Variants in SPATA16 observed in about 807,000 individuals in gnomAD.
The protein encoded by SPATA16 is spermatogenesis-associated protein 16.
Under a neutral mutation model 63.3 loss-of-function variants are expected in SPATA16, and 36 were observed. That is an observed-to-expected ratio of 0.57 (90% CI 0.44 to 0.75). The LOEUF (loss-of-function observed/expected upper bound fraction) is 0.75, where lower values mean the gene tolerates loss of function less well. Ranked by LOEUF, SPATA16 falls within the 30% of genes least tolerant of loss-of-function variation. The pLI is 0.00. For missense variants in SPATA16, 646 were observed against 679.3 expected, an observed-to-expected ratio of 0.95 and a Z score of 0.54; for synonymous variants, 203 against 216.7, an observed-to-expected ratio of 0.94 and a Z score of 0.56.
rs185460884 is a variant in SPATA16 at position 172,953,413 on chromosome 3, G to T, written c.1081+3264C>A. Among the ~76,000 whole-genome samples the T allele has an allele frequency of 7.2e-5, 11 of 152,276 alleles. No homozygotes were observed. In the East Asian group the frequency reaches 1.9e-3, roughly 27 times the overall value. On this transcript the variant is annotated intron_variant, in intron 6 of 10. Transcript: ENST00000351008. ...TTCTAGTCTTCTGTGGAATGGAGGG[G>T]ATTTATTGAGTAAGACTCAGAAAGT...
chr3:172,955,242 G>A (rs976582262), intron 6 of SPATA16, among the ~76,000 whole-genome samples: 1 of 152,162 alleles, frequency 6.6e-6, no homozygotes, highest in Non-Finnish European at 1.5e-5. Flanking sequence ...CCAGAAGAGA[G>A]ATTGGCAAAC....
chr3:173,052,690 AT>A (rs1736131718), intron 2 of SPATA16, among the ~76,000 whole-genome samples: 2 of 152,224 alleles, frequency 1.3e-5, no homozygotes, highest in Admixed American at 1.3e-4. Context: ...AGACATTTGT[AT>A]AGACTGAGCA....
chr3:173,051,429 T>C (rs549384350), intron 2 of SPATA16, among the ~76,000 whole-genome samples: 7 of 152,120 alleles, frequency 4.6e-5, no homozygotes, highest in African/African-American at 7.2e-5. Flanking sequence ...ACCTCGGTCT[T>C]CTGACCTTGT....
intron 2 of SPATA16, among the ~76,000 whole-genome samples, chr3:173,057,339 G>T (rs1454575675): frequency 6.6e-6 from 1 of 151,880 alleles, no homozygotes; most frequent in East Asian, 1.9e-4. Context: ...GGTCTCCATC[G>T]CCTGACCTCT....
chr3:173,092,863 T>A (rs1031595292), intron 2 of SPATA16, among the ~76,000 whole-genome samples: 1 of 152,162 alleles, frequency 6.6e-6, no homozygotes, highest in Non-Finnish European at 1.5e-5. Flanking sequence ...CTATTTGGTT[T>A]ATGCTTATCC....
At chr3:173,140,929 T>G (rs9829256) in intron 1 of SPATA16, among the ~76,000 whole-genome samples, 174 bp downstream of exon 1, 30,903 of 152,118 alleles carry the variant, frequency 0.2, 3,364 homozygotes, top group Middle Eastern at 0.27. Flanking sequence ...TCTTGGTTAC[T>G]TATTAGGGCT....
intron 2 of SPATA16, among the ~76,000 whole-genome samples, chr3:173,093,686 G>A (rs775933437): frequency 1.3e-5 from 2 of 152,054 alleles, no homozygotes; most frequent in Non-Finnish European, 2.9e-5. Context: ...CAGAAATTGG[G>A]CCATCGCTAT....
intron 2 of SPATA16, among the ~76,000 whole-genome samples, chr3:173,056,431 A>G (rs1231161605): frequency 6.6e-6 from 1 of 152,158 alleles, no homozygotes; most frequent in African/African-American, 2.4e-5. Context: ...TGCCGGGCGC[A>G]GTGGCTCACG....
chr3:172,981,614 C>T (rs892030169), intron 4 of SPATA16, among the ~76,000 whole-genome samples: 1 of 152,310 alleles, frequency 6.6e-6, no homozygotes, highest in Non-Finnish European at 1.5e-5. Context: ...TCACCTCCTT[C>T]GGTCTTTGTA....
intron 4 of SPATA16, among the ~76,000 whole-genome samples, chr3:172,994,202 A>G (rs902919415): frequency 1.3e-5 from 2 of 152,158 alleles, no homozygotes; most frequent in African/African-American, 4.8e-5. Context: ...CCTGGTAGGG[A>G]GCCCCCTTTG....
In SPATA16 at chr3:172,916,335, A is replaced by T. The variant is rs1489045246; in HGVS notation, c.1485T>A (p.Ser495Arg). Residue 495 changes from serine to arginine, a missense_variant, in exon 9 of 11, where the codon AGT (serine) becomes AGA (arginine). Coordinates refer to ENST00000351008, the MANE Select transcript of SPATA16 (RefSeq NM_031955.6). ...TACTTACCAATTCTGCCTCCTGTTG[A>T]CTGATGTCCTGTAGGTAGGGAATGG... The part of the protein sequence containing the change: ...LATIPYLQDI[S>R]QQEAELLQSL... The T allele has an allele frequency of 5.6e-6, 9 of 1,612,728 alleles. No individual in the cohort carries two copies. The highest frequency in any genetic ancestry group is 7.6e-6 in the Non-Finnish European group (9 of 1,179,526).
At chr3:173,127,166 T>C (rs1294743700) in intron 1 of SPATA16, among the ~76,000 whole-genome samples, 1 of 152,174 alleles carries the variant, frequency 6.6e-6, no homozygotes, top group African/African-American at 2.4e-5. Context: ...TCTCTTTCCC[T>C]AATGTGTGTG....
At chr3:173,086,333 T>TA (rs1477145798) in intron 2 of SPATA16, among the ~76,000 whole-genome samples, 1 of 152,204 alleles carries the variant, frequency 6.6e-6, no homozygotes, top group Admixed American at 6.5e-5. Flanking sequence ...GAGGTGTTTA[T>TA]AGTATTCTCT....
At chr3:172,890,130 T>C (rs747578961) in intron 10 of SPATA16, among the ~76,000 whole-genome samples, 8 of 152,182 alleles carry the variant, frequency 5.3e-5, no homozygotes, top group Non-Finnish European at 8.8e-5. Flanking sequence ...ATTTAGATGC[T>C]CCTAACCAAC....
intron 4 of SPATA16, among the ~76,000 whole-genome samples, chr3:173,017,632 C>T (rs1290464160): frequency 2.6e-5 from 4 of 152,212 alleles, no homozygotes; most frequent in African/African-American, 9.7e-5. Flanking sequence ...AACTAGCTCG[C>T]TCCGAATTCC....
At chr3:173,112,905 C>G (rs1396772891) in intron 2 of SPATA16, among the ~76,000 whole-genome samples, 2 of 152,040 alleles carry the variant, frequency 1.3e-5, no homozygotes, top group Non-Finnish European at 2.9e-5. Context: ...GTGGAAGCCT[C>G]TTAATTATTA....
chr3:172,953,467 A>T (rs1733500641), intron 6 of SPATA16, among the ~76,000 whole-genome samples: 2 of 152,238 alleles, frequency 1.3e-5, no homozygotes. Flanking sequence ...GCAGTCCAGC[A>T]GGAAGAGGAA....
chr3:172,915,518 C>T (rs1732462539), intron 9 of SPATA16, among the ~76,000 whole-genome samples: 1 of 151,932 alleles, frequency 6.6e-6, no homozygotes, highest in South Asian at 2.1e-4. Context: ...ATTAAAGCTT[C>T]TAAGTAAAGG....
chr3:173,077,915 A>G lies in SPATA16; in HGVS notation c.613-28821T>C, dbSNP rs572775735. Among the ~76,000 whole-genome samples, 3 of 152,286 alleles carry G rather than the reference A, an allele frequency of 2.0e-5. No individual in the cohort carries two copies. In the East Asian group the frequency reaches 5.8e-4, roughly 29 times the overall value. On this transcript the variant is annotated intron_variant, in intron 2 of 10. Coordinates refer to ENST00000351008, the MANE Select transcript of SPATA16 (RefSeq NM_031955.6). ...GGGAGAAAATGTATGAAGAAAATAA[A>G]TATTTCTACCTTAATATTTTGGCTA...
Sources: gnomAD v4.1 joint callset for allele counts (sites outside exome capture counted in the v4.1 genomes callset) on GRCh38, gnomAD v4.1.1 for gene constraint, MANE v1.5 for transcripts, NCBI Gene and HGNC (gene_info 2026-07-23, HGNC 2026-07-21) for gene names.